The following HPSE variants were observed in gnomAD, a reference collection of about 807,000 sequenced individuals.
HPSE encodes heparanase.
A neutral mutation model predicts 65.1 loss-of-function variants in HPSE; 48 were observed. The ratio of observed to expected loss-of-function variants is 0.74; its 90% CI spans 0.58 to 0.94. HPSE has a LOEUF of 0.94. Among genes scored for constraint, HPSE ranks in the 40% least tolerant of loss-of-function variants. The probability of loss-of-function intolerance (pLI) is 0.00; values close to 1 mark genes in which losing one functional copy is unlikely to be tolerated. For synonymous variants in HPSE, 243 were observed against 260.0 expected, an observed-to-expected ratio of 0.93 and a Z score of 0.63; for missense variants, 644 against 637.5, an observed-to-expected ratio of 1.01 and a Z score of -0.11.
intron 10 of HPSE, among the ~76,000 whole-genome samples, chr4:83,301,656 C>CT (rs769351977): frequency 2.4e-4 from 37 of 152,050 alleles, no homozygotes; most frequent in Non-Finnish European, 4.4e-4. Flanking sequence ...GGTAGCTGGT[C>CT]TTTTTTGGCT....
chr4:83,309,514 A>G lies in HPSE; in HGVS notation c.891-19T>C, dbSNP rs762818409. The G allele has an allele frequency of 3.1e-6, 4 of 1,286,442 alleles. No individual in the cohort carries two copies. The highest frequency in any genetic ancestry group is 2.5e-5 in the South Asian group (2 of 78,614). 79.7% of individuals were successfully genotyped at this position (1,286,442 alleles called of 1,614,324 possible). A position where few individuals can be genotyped will look rare whatever the true frequency, so the allele number is the denominator to read the frequency against. On this transcript the variant is annotated intron_variant, in intron 6 of 11. Transcript: ENST00000311412. ...ATAGTAGCTAAATTACACAGAAAAT[A>G]TTCAGAAAAAAAATAACAAATTTTA...
At chr4:83,302,699 G>A (rs1191988247) in intron 9 of HPSE, among the ~76,000 whole-genome samples, 1 of 152,158 alleles carries the variant, frequency 6.6e-6, no homozygotes, top group African/African-American at 2.4e-5. Context: ...ATTTAGGCCA[G>A]GCACGGTGGC....
At chr4:83,301,191 T>C in intron 10 of HPSE, 85 bp from the exon 11 acceptor site, 3 of 824,696 alleles carry the variant, frequency 3.6e-6, no homozygotes, top group Non-Finnish European at 5.6e-6. Flanking sequence ...TCCTAAGTAT[T>C]AGTATCCATA....
At chr4:83,331,474 A>G (rs974081545) in intron 1 of HPSE, among the ~76,000 whole-genome samples, 10 of 152,166 alleles carry the variant, frequency 6.6e-5, no homozygotes, top group African/African-American at 2.4e-4. Context: ...ATTATATTAT[A>G]TTTCCATTGG....
At chr4:83,295,961 A>C (rs928697910) in intron 11 of HPSE, among the ~76,000 whole-genome samples, 3 of 152,206 alleles carry the variant, frequency 2.0e-5, no homozygotes, top group African/African-American at 7.2e-5. Context: ...GAAATTTCTC[A>C]CTTGTAACTA....
rs761648679 is a variant in HPSE at position 83,301,027 on chromosome 4, G to T, written c.1405C>A (p.Pro469Thr). Residue 469 changes from proline (P) to threonine (T), a missense_variant, in exon 11 of 12, where the codon CCT (proline) becomes ACT (threonine). Coordinates refer to ENST00000311412, the MANE Select transcript of HPSE (RefSeq NM_001098540.3). ...TTATCCACTTGCTTGTTAGAAAAAGGATAGGGTAACCGCAAGTACTTGGTG... is the reference window on the plus strand; with the variant it reads ...TTATCCACTTGCTTGTTAGAAAAAGTATAGGGTAACCGCAAGTACTTGGTG... Reference protein sequence around the residue: ...NVTKYLRLPYPFSNKQVDKYL... With the variant: ...NVTKYLRLPYTFSNKQVDKYL... 1.7e-5 allele frequency: 27 copies of T among 1,607,638 alleles called. No individual in the cohort carries two copies. The South Asian group carries it at 2.6e-4, about 16-fold the overall frequency.
At chr4:83,309,348 G>T in intron 7 of HPSE, 54 bp downstream of exon 7, 1 of 918,570 alleles carries the variant, frequency 1.1e-6, no homozygotes. Context: ...GAACTAGCTA[G>T]ACTATAAAAT....
chr4:83,306,308 A>G lies in HPSE; in HGVS notation c.1101T>C (p.Asp367=). 6.2e-7 allele frequency: 1 copy of G among 1,606,182 alleles called. No homozygotes were observed. The highest frequency in any genetic ancestry group is 8.5e-7 in the Non-Finnish European group (1 of 1,172,732). The change falls in exon 9 of 12, where the codon GAT becomes GAC. Residue 367 remains aspartate (D), a synonymous_variant. Transcript: ENST00000311412. ...CCATTCGGGCTGACAGGCCCAATTTATCCAGCCACCTGGGACAGAGCAAGA... is the reference window on the plus strand; with the variant it reads ...CCATTCGGGCTGACAGGCCCAATTTGTCCAGCCACCTGGGACAGAGCAAGA... ...DTFAAGFMWL[D]KLGLSARMGI... is the part of the protein sequence containing the mutation.
chr4:83,296,160 A>T (rs1182098683), intron 11 of HPSE, among the ~76,000 whole-genome samples: 1 of 152,222 alleles, frequency 6.6e-6, no homozygotes, highest in Non-Finnish European at 1.5e-5. Flanking sequence ...GTTCTTAAAA[A>T]TTAAGGAAAA....
rs1422424590 is a variant in HPSE, at chr4:83,326,869, G to C, written c.228-4505C>G. ...CGGCTGGGCAAGAGACTGGGAAGTGGGAGGAAACGAGCACCTGGAAAAGTT... is the reference window on the plus strand; with the variant it reads ...CGGCTGGGCAAGAGACTGGGAAGTGCGAGGAAACGAGCACCTGGAAAAGTT... On this transcript the variant is annotated intron_variant, in intron 1 of 11. Coordinates refer to ENST00000311412, the MANE Select transcript of HPSE (RefSeq NM_001098540.3). This position sits in a 1 kb window ranked among gnomAD's most constrained non-coding sequence, Gnocchi z 4.2. Among the ~76,000 whole-genome samples, 1 of 152,168 alleles carries C rather than the reference G, an allele frequency of 6.6e-6. No homozygotes were observed. The highest frequency in any genetic ancestry group is 2.4e-5 in the African/African-American group (1 of 41,436).
At chr4:83,327,011 T>C (rs1293776713) in intron 1 of HPSE, among the ~76,000 whole-genome samples, 1 of 152,216 alleles carries the variant, frequency 6.6e-6, no homozygotes, top group Non-Finnish European at 1.5e-5. Flanking sequence ...CTTCATTTTC[T>C]TCATAGCATT....
At chr4:83,309,025 A>G (rs1442943858) in intron 7 of HPSE, 74 bp from the exon 8 acceptor site, 1 of 1,155,040 alleles carries the variant, frequency 8.7e-7, no homozygotes, top group African/African-American at 1.5e-5. Flanking sequence ...GTTGAAGATT[A>G]ACAGCATTCA....
intron 9 of HPSE, among the ~76,000 whole-genome samples, 159 bp from the exon 10 acceptor site, chr4:83,302,427 A>G (rs990670838): frequency 1.1e-4 from 16 of 150,066 alleles, no homozygotes; most frequent in African/African-American, 3.4e-4. Flanking sequence ...TTTTCCCCTC[A>G]CATGTGACCA....
At chr4:83,335,133 G>C (rs1364584827), upstream of HPSE, 2 of 233,448 alleles carry the variant, frequency 8.6e-6, no homozygotes, top group African/African-American at 4.5e-5. Flanking sequence ...CCGGGGAGGA[G>C]CGCCCGGGGA....
Position 83,331,974 on chromosome 4 carries a change from A to C in HPSE, c.227+2582T>G, listed in dbSNP as rs140875332. Among the ~76,000 whole-genome samples, 30 of 152,276 alleles carry C rather than the reference A, an allele frequency of 2.0e-4. No individual in the cohort carries two copies. In the East Asian group the frequency reaches 4.8e-3, roughly 24 times the overall value. ...CCTGAGCCTCACTTTCTTCATTTTT[A>C]AAATGGGGGTGACAAAACTAGTCAC... On this transcript the variant is annotated intron_variant, in intron 1 of 11. Transcript: ENST00000311412.
Position 83,322,237 on chromosome 4 carries a change from GC to G in HPSE, c.354del (p.Trp118CysfsTer53). On this transcript the variant is annotated frameshift_variant, in exon 2 of 12. Coordinates refer to ENST00000311412, the MANE Select transcript of HPSE (RefSeq NM_001098540.3). LOFTEE classifies it high-confidence loss of function. ...KESTFEERSY[W>X]QSQVNQDICK... ...TTTTCACCCTGGTTGACTTGAGATT[GC>G]CAGTAACTTCTCTCTTCAAAGGTTG... 6.2e-7 allele frequency: 1 copy of G among 1,613,504 alleles called. No homozygotes were observed. The highest frequency in any genetic ancestry group is 8.5e-7 in the Non-Finnish European group (1 of 1,179,680).
At chr4:83,315,318 C>T (rs1363184682) in intron 3 of HPSE, among the ~76,000 whole-genome samples, 1 of 152,308 alleles carries the variant, frequency 6.6e-6, no homozygotes. Flanking sequence ...GTTTGAAAAG[C>T]TCTCTAGAGT....
In HPSE at chr4:83,302,197, T is replaced by C. The variant is rs1735976217; in HGVS notation, c.1278A>G (p.Ser426=). 2 of 1,613,896 alleles carry C rather than the reference T, an allele frequency of 1.2e-6. No homozygotes were observed. The highest frequency in any genetic ancestry group is 2.7e-5 in the African/African-American group (2 of 74,942). Residue 426 remains serine, a synonymous_variant, in exon 10 of 12, where the codon TCA becomes TCG. Coordinates refer to ENST00000311412, the MANE Select transcript of HPSE (RefSeq NM_001098540.3). ...TKVLMASVQG[S]KRRKLRVYLH... is the part of the protein sequence containing the mutation. ...GGTATACTCGAAGCTTCCTTCTCTTTGAACCTTGCACGCTTGCCATTAACA... is the reference window on the plus strand; with the variant it reads ...GGTATACTCGAAGCTTCCTTCTCTTCGAACCTTGCACGCTTGCCATTAACA...
intron 11 of HPSE, among the ~76,000 whole-genome samples, chr4:83,297,783 A>G (rs960498774): frequency 5.9e-5 from 9 of 152,218 alleles, no homozygotes; most frequent in Admixed American, 1.3e-4. Context: ...CTCAATTTTT[A>G]GATGGAGTGA....
Sources: gnomAD v4.1 joint callset for allele counts (sites outside exome capture counted in the v4.1 genomes callset) on GRCh38, gnomAD v4.1.1 for gene constraint, Gnocchi (gnomAD v3.1) non-coding constraint, MANE v1.5 for transcripts, NCBI Gene and HGNC (gene_info 2026-07-23, HGNC 2026-07-21) for gene names.